AP2A1: variants seen among roughly 807,000 people sequenced by gnomAD.
AP2A1 encodes the protein AP-2 complex subunit alpha-1.
A neutral mutation model predicts 107.3 loss-of-function variants in AP2A1; 21 were observed. That is an observed-to-expected ratio of 0.20 (90% CI 0.14 to 0.28). The LOEUF (loss-of-function observed/expected upper bound fraction) is 0.28. AP2A1 is among the 10% of genes least tolerant of loss of function. The pLI, the probability that AP2A1 is intolerant of heterozygous loss-of-function variation, is 1.00. For synonymous variants in AP2A1, 602 were observed against 564.8 expected (o/e 1.07, Z -0.93); for missense variants, 873 against 1,307.7 (o/e 0.67, Z 5.13).
At chr19:49,800,934 C>T (rs2073270653) in intron 11 of AP2A1, 27 bp from the exon 12 acceptor site, 2 of 1,565,154 alleles carry the variant, frequency 1.3e-6, no homozygotes, top group South Asian at 1.2e-5. Flanking sequence ...TTGTTGTCCT[C>T]TCCACGCCCT....
chr19:49,773,449 T>A (rs2084585866), intron 1 of AP2A1, among the ~76,000 whole-genome samples: 1 of 152,166 alleles, frequency 6.6e-6, no homozygotes, highest in Non-Finnish European at 1.5e-5. Flanking sequence ...CTTTGTCCTC[T>A]GTAGGTTCTA....
At chr19:49,775,918 C>T (rs2084612762) in intron 1 of AP2A1, among the ~76,000 whole-genome samples, 1 of 152,176 alleles carries the variant, frequency 6.6e-6, no homozygotes, top group Admixed American at 6.5e-5. Flanking sequence ...TAGTAACAGA[C>T]CCACCCTGAT....
At chr19:49,772,250 T>TG (rs1568572986) in intron 1 of AP2A1, among the ~76,000 whole-genome samples, 9 of 106,778 alleles carry the variant, frequency 8.4e-5, no homozygotes, top group African/African-American at 2.4e-4. Flanking sequence ...CATAGAGTTT[T>TG]TTTTTTTTTT....
At chr19:49,791,785 C>T in intron 4 of AP2A1, 150 bp from the exon 5 acceptor site, 1 of 957,448 alleles carries the variant, frequency 1.0e-6, no homozygotes, top group Non-Finnish European at 1.5e-6. Context: ...GCCGTGAGGT[C>T]AGCGCCAGAC....
chr19:49,807,020 T>TGGC lies in AP2A1; in HGVS notation c.*262_*263insGGC. 3.4e-5 allele frequency: 45 copies of TGGC among 1,338,018 alleles called. No homozygotes were observed. The highest frequency in any genetic ancestry group is 4.2e-5 in the Non-Finnish European group (42 of 996,438). The allele number at this position is 1,338,018 out of a possible 1,614,324, so 82.9% of individuals were successfully genotyped here. A position where few individuals can be genotyped will look rare whatever the true frequency, so the allele number is the denominator to read the frequency against. The stretch of plus-strand genomic sequence containing the variant: ...AGGGGCCAGGGAAGTGGATGTCTCC[T>TGGC]CCCCTCCCACCCCACCCTGTTGTAG... On this transcript the variant is annotated 3_prime_UTR_variant, in exon 23 of 23. Coordinates refer to ENST00000354293, the MANE Select transcript of AP2A1 (RefSeq NM_130787.3).
In AP2A1 at chr19:49,794,188, C is replaced by T. The variant is rs539645044; in HGVS notation, c.705+1096C>T. Among the ~76,000 whole-genome samples the T allele has an allele frequency of 1.3e-3, 192 of 151,014 alleles. 1 individual carries two copies. The highest frequency in any genetic ancestry group is 4.5e-3 in the African/African-American group (184 of 41,180). ...GTGCTGGGATTACCGGCGTGAGCCA[C>T]TGCGCCTGGCCCACTCATTGTTTCT... On this transcript the variant is annotated intron_variant, in intron 6 of 22. Coordinates refer to ENST00000354293, the MANE Select transcript of AP2A1 (RefSeq NM_130787.3).
chr19:49,788,697 T>C lies in AP2A1; in HGVS notation c.474-3238T>C, dbSNP rs965283322. On this transcript the variant is annotated intron_variant, in intron 4 of 22. Transcript: ENST00000354293. The surrounding 1 kb of genome is among the most constrained non-coding windows in gnomAD (Gnocchi z 4.5). ...TGGGAAGGTGGCCCAGAGTCAGGGC[T>C]CGGGAGATGCGCGCCGTGACGGAGA... Among the ~76,000 whole-genome samples, 2 of 151,186 alleles carry C rather than the reference T, an allele frequency of 1.3e-5. No homozygotes were observed. The highest frequency in any genetic ancestry group is 2.4e-5 in the African/African-American group (1 of 40,988).
chr19:49,778,112 C>G (rs4802620), intron 1 of AP2A1, among the ~76,000 whole-genome samples: 18,549 of 152,028 alleles, frequency 0.12, 1,276 homozygotes, highest in East Asian at 0.19. Flanking sequence ...TAAATCATTT[C>G]AAGTACAATT....
chr19:49,767,473 AT>A (rs1257889204), intron 1 of AP2A1, among the ~76,000 whole-genome samples: 2 of 152,008 alleles, frequency 1.3e-5, no homozygotes, highest in African/African-American at 4.8e-5. Flanking sequence ...GGATGGGAGC[AT>A]AGAGGTGTCC....
intron 1 of AP2A1, among the ~76,000 whole-genome samples, chr19:49,770,207 A>G (rs2084542933): frequency 6.6e-6 from 1 of 152,082 alleles, no homozygotes; most frequent in South Asian, 2.1e-4. Context: ...AGGATTTGCA[A>G]AGGGATTTGA....
chr19:49,802,861 T>C, intron 15 of AP2A1, 88 bp from the exon 16 acceptor site: 1 of 1,452,680 alleles, frequency 6.9e-7, no homozygotes, highest in Non-Finnish European at 9.4e-7. Flanking sequence ...GGTTCTGTCC[T>C]TAGGGCTTGT....
chr19:49,791,731 T>G, intron 4 of AP2A1: 1 of 582,350 alleles, frequency 1.7e-6, no homozygotes, highest in Non-Finnish European at 3.0e-6. Flanking sequence ...GTGAGGTTAC[T>G]GAGATGCAAT....
Position 49,806,108 on chromosome 19 carries a change from C to T in AP2A1, c.2656-11C>T, listed in dbSNP as rs369111617. On this transcript the variant is annotated splice_polypyrimidine_tract_variant and intron_variant, in intron 21 of 22. Coordinates refer to ENST00000354293, the MANE Select transcript of AP2A1 (RefSeq NM_130787.3). ...TCTGGCACACTCTGACGGCGCCCCC[C>T]CTCCTCCCAGCTTCTGGGGTTTGGC... 1 of 1,567,694 alleles carries T rather than the reference C, an allele frequency of 6.4e-7. No individual in the cohort carries two copies. The highest frequency in any genetic ancestry group is 1.2e-5 in the South Asian group (1 of 86,564).
chr19:49,792,004 C>G lies in AP2A1; in HGVS notation c.543C>G (p.Asp181Glu), dbSNP rs563001648. 2.5e-5 allele frequency: 41 copies of G among 1,613,002 alleles called. No homozygotes were observed. The highest frequency in any genetic ancestry group is 3.5e-5 in the Non-Finnish European group (41 of 1,179,554). Residue 181 changes from aspartate to glutamate, a missense_variant, in exon 5 of 23, where the codon GAC becomes GAG. By Grantham distance (45) the Asp-to-Glu change is conservative. This residue lies in a region of AP2A1 where 157 missense variants were observed against 212.6 expected (regional missense o/e 0.74). Transcript: ENST00000354293. ...TTCGACTGTACAAGGCCTCGCCTGA[C>G]CTGGTGCCCATGGGCGAGTGGACGG... The part of the protein sequence containing the change: ...CLLRLYKASP[D>E]LVPMGEWTAR...
At chr19:49,772,173 T>G (rs1006150792) in intron 1 of AP2A1, among the ~76,000 whole-genome samples, 2 of 149,430 alleles carry the variant, frequency 1.3e-5, no homozygotes, top group Admixed American at 1.3e-4. Flanking sequence ...TCCTCCCGCC[T>G]CAGCCTCCTA....
intron 1 of AP2A1, among the ~76,000 whole-genome samples, chr19:49,767,868 G>A (rs2084519403): frequency 6.6e-6 from 1 of 151,898 alleles, no homozygotes; most frequent in African/African-American, 2.4e-5. Flanking sequence ...AGACATGGAA[G>A]GCAGTGTGGA....
intron 4 of AP2A1, 107 bp downstream of exon 4, chr19:49,782,831 A>G (rs529758946): frequency 7.7e-7 from 1 of 1,301,002 alleles, no homozygotes; most frequent in East Asian, 2.5e-5. Flanking sequence ...CTCCCAGCCG[A>G]GATGTGGGCT....
Position 49,806,876 on chromosome 19 carries a change from G to A in AP2A1, c.*118G>A. ...GAGAAGACACCAGGGTTTGGGGGAT[G>A]CCTGGGACTTTCCTCCGGCCTTTTG... On this transcript the variant is annotated 3_prime_UTR_variant, in exon 23 of 23. Coordinates refer to ENST00000354293, the MANE Select transcript of AP2A1 (RefSeq NM_130787.3). 4.5e-6 allele frequency: 7 copies of A among 1,565,094 alleles called. No homozygotes were observed. Among genetic ancestry groups the A allele is most frequent in the Non-Finnish European group, 6.0e-6 (7 of 1,159,648 alleles).
At chr19:49,791,331 G>GCAATCCT (rs2073140384) in intron 4 of AP2A1, among the ~76,000 whole-genome samples, 1 of 152,212 alleles carries the variant, frequency 6.6e-6, no homozygotes, top group South Asian at 2.1e-4. Context: ...CCAGTCTCGA[G>GCAATCCT]CAATCCTCCC....
Sources: allele counts gnomAD v4.1 joint callset (sites outside exome capture counted in the v4.1 genomes callset), GRCh38; gene constraint gnomAD v4.1.1; regional missense constraint gnomAD v4.1.1; non-coding constraint Gnocchi (gnomAD v3.1); transcripts MANE v1.5; gene names NCBI Gene and HGNC (gene_info 2026-07-23, HGNC 2026-07-21).